Variants in RABGAP1L observed in about 807,000 individuals in gnomAD.
The protein encoded by RABGAP1L is rab GTPase-activating protein 1-like.
Under a neutral mutation model 137.7 loss-of-function variants are expected in RABGAP1L, and 63 were observed. The ratio of observed to expected loss-of-function variants is 0.46; its 90% CI spans 0.37 to 0.56. RABGAP1L has a LOEUF of 0.56. RABGAP1L is among the 20% of genes least tolerant of loss of function. The pLI is 0.00. For synonymous variants in RABGAP1L, 431 were observed against 433.7 expected, an observed-to-expected ratio of 0.99 and a Z score of 0.08; for missense variants, 1,095 against 1,244.0, an observed-to-expected ratio of 0.88 and a Z score of 1.80.
chr1:174,969,419 C>T, intron 21 of RABGAP1L, 32 bp downstream of exon 21: 1 of 1,498,530 alleles, frequency 6.7e-7, no homozygotes, highest in South Asian at 1.2e-5. Context: ...GTGATGACTT[C>T]CTCAGGGCAA....
intron 12 of RABGAP1L, among the ~76,000 whole-genome samples, chr1:174,376,577 C>A (rs1392093171): frequency 6.6e-6 from 1 of 151,924 alleles, no homozygotes; most frequent in African/African-American, 2.4e-5. Flanking sequence ...TATCAATAGG[C>A]TAAAGAAGAA....
intron 13 of RABGAP1L, among the ~76,000 whole-genome samples, chr1:174,446,286 A>G (rs903194204): frequency 2.0e-5 from 3 of 152,236 alleles, no homozygotes; most frequent in Non-Finnish European, 4.4e-5. Flanking sequence ...CTGTTTTGTG[A>G]TAAGTGAAAC....
chr1:174,290,937 T>C lies in RABGAP1L; in HGVS notation c.1323+12158T>C, dbSNP rs907165926. ...CCACCACACCTGGCTAAGTTTTAAT[T>C]TTTTGTAGAGATGGCTCTTGCTATG... is the stretch of plus-strand genomic sequence containing the variant. On this transcript the variant is annotated intron_variant, in intron 10 of 25. Coordinates refer to ENST00000681986, the MANE Select transcript of RABGAP1L (RefSeq NM_001366446.1). Among the ~76,000 whole-genome samples the C allele has an allele frequency of 2.0e-5, 3 of 152,220 alleles. No individual in the cohort carries two copies. The South Asian group carries it at 6.2e-4, about 32-fold the overall frequency.
At chr1:174,503,256 A>C (rs534670069) in intron 13 of RABGAP1L, among the ~76,000 whole-genome samples, 1 of 152,366 alleles carries the variant, frequency 6.6e-6, no homozygotes, top group Non-Finnish European at 1.5e-5. Context: ...GCAGAGATGA[A>C]TTGTCAAGAA....
Position 174,599,394 on chromosome 1 carries a change from A to C in RABGAP1L, c.1711-37981A>C, listed in dbSNP as rs146937450. The stretch of plus-strand genomic sequence containing the variant: ...TACAGACCACTGTTACAGTGTTATC[A>C]TATTCTGTATTTGTCTATGTACTTC... On this transcript the variant is annotated intron_variant, in intron 13 of 25. Transcript: ENST00000681986. Among the ~76,000 whole-genome samples the C allele has an allele frequency of 7.2e-5, 11 of 152,264 alleles. No homozygotes were observed. In the East Asian group the frequency reaches 2.1e-3, roughly 29 times the overall value.
At chr1:174,244,752 ATATAT>A (rs1463839113) in intron 5 of RABGAP1L, 2 of 152,310 alleles carry the variant, frequency 1.3e-5, no homozygotes, top group African/African-American at 4.8e-5. Flanking sequence ...ATCTTTTTGG[ATATAT>A]TATATAAAAC....
At chr1:174,802,781 C>T (rs187033851) in intron 18 of RABGAP1L, among the ~76,000 whole-genome samples, 1,920 of 152,280 alleles carry the variant, frequency 0.013, 14 homozygotes, top group Non-Finnish European at 0.02. Context: ...CTCTGCTATT[C>T]AGTAAGTTAC....
chr1:174,278,192 C>G (rs1187549318), intron 9 of RABGAP1L, among the ~76,000 whole-genome samples: 1 of 152,118 alleles, frequency 6.6e-6, no homozygotes, highest in Non-Finnish European at 1.5e-5. Context: ...CACCAGAGGT[C>G]AGGAGTTTGA....
At chr1:174,489,358 A>G (rs1192661566) in intron 13 of RABGAP1L, among the ~76,000 whole-genome samples, 2 of 152,204 alleles carry the variant, frequency 1.3e-5, no homozygotes, top group African/African-American at 4.8e-5. Flanking sequence ...CCCATCAAAA[A>G]GTGGACGAAG....
intron 11 of RABGAP1L, among the ~76,000 whole-genome samples, chr1:174,351,182 C>T (rs1683153303): frequency 6.6e-6 from 1 of 151,882 alleles, no homozygotes; most frequent in African/African-American, 2.4e-5. Context: ...TCTTTCTACC[C>T]AAAATGTGAG....
chr1:174,439,649 C>T (rs1653897615), intron 13 of RABGAP1L, among the ~76,000 whole-genome samples: 2 of 152,174 alleles, frequency 1.3e-5, no homozygotes, highest in African/African-American at 4.8e-5. Context: ...CCCCCTCCCA[C>T]AATTGGGAAA....
chr1:174,971,323 AT>A (rs1670110970), intron 21 of RABGAP1L, among the ~76,000 whole-genome samples: 1 of 151,786 alleles, frequency 6.6e-6, no homozygotes, highest in African/African-American at 2.4e-5. Flanking sequence ...TATCTTAAAA[AT>A]CATTTCTTCA....
chr1:174,786,680 T>C (rs551317096), intron 18 of RABGAP1L, among the ~76,000 whole-genome samples: 117 of 152,360 alleles, frequency 7.7e-4, no homozygotes, highest in Non-Finnish European at 1.4e-3. Context: ...TGCTTTACTA[T>C]GTGTCAGTAT....
At chr1:174,637,353 G>T in intron 13 of RABGAP1L, 22 bp from the exon 14 acceptor site, 1 of 1,514,650 alleles carries the variant, frequency 6.6e-7, no homozygotes, top group Non-Finnish European at 9.1e-7. Context: ...TAATAACCAG[G>T]TCTATTTTCT....
At chr1:174,954,068 G>C (rs553354205) in intron 19 of RABGAP1L, 5 of 152,198 alleles carry the variant, frequency 3.3e-5, no homozygotes, top group African/African-American at 4.8e-5. Context: ...AATTTCAAGC[G>C]TCTGAATCCC....
intron 18 of RABGAP1L, among the ~76,000 whole-genome samples, chr1:174,771,083 G>A (rs907872583): frequency 6.6e-6 from 1 of 152,202 alleles, no homozygotes; most frequent in African/African-American, 2.4e-5. Flanking sequence ...TAGGACATGA[G>A]GGTGAGAGTG....
chr1:174,794,539 CAGA>C (rs1347517300), intron 18 of RABGAP1L, among the ~76,000 whole-genome samples: 1 of 152,190 alleles, frequency 6.6e-6, no homozygotes, highest in East Asian at 1.9e-4. Context: ...TGTTGCCATA[CAGA>C]AGCTCAGAGG....
intron 13 of RABGAP1L, among the ~76,000 whole-genome samples, chr1:174,438,507 C>G (rs1021771498): frequency 6.6e-6 from 1 of 151,696 alleles, no homozygotes; most frequent in African/African-American, 2.4e-5. Context: ...CACTTGAGTT[C>G]AGGAGTTTGA....
chr1:174,703,958 G>T (rs1175528826), intron 17 of RABGAP1L, among the ~76,000 whole-genome samples: 1 of 151,990 alleles, frequency 6.6e-6, no homozygotes, highest in African/African-American at 2.4e-5. Flanking sequence ...TCATTGAGTT[G>T]TTTAAAGATT....
Sources: gnomAD v4.1 joint callset for allele counts (sites outside exome capture counted in the v4.1 genomes callset) on GRCh38, gnomAD v4.1.1 for gene constraint, MANE v1.5 for transcripts, NCBI Gene and HGNC (gene_info 2026-07-23, HGNC 2026-07-21) for gene names.